The following APOBEC3G variants were observed in gnomAD, a reference collection of about 807,000 sequenced individuals.
APOBEC3G encodes DNA dC->dU-editing enzyme APOBEC-3G.
Under a neutral mutation model 50.0 loss-of-function variants are expected in APOBEC3G, and 44 were observed. The observed-to-expected ratio is 0.88, with a 90% CI of 0.69 to 1.13. The LOEUF is 1.13. Ranked by LOEUF, APOBEC3G falls within the 50% of genes most tolerant of loss-of-function variation. The pLI is 0.00. For missense variants in APOBEC3G, 469 were observed against 492.0 expected (o/e 0.95, Z 0.44); for synonymous variants, 156 against 175.3 (o/e 0.89, Z 0.87).
At chr22:39,087,163 C>A (rs1398679662) in intron 7 of APOBEC3G, 37 bp downstream of exon 7, 3 of 1,612,014 alleles carry the variant, frequency 1.9e-6, no homozygotes, top group Admixed American at 1.7e-5. Flanking sequence ...GCCCCATCGG[C>A]CTCCCCCTCC....
At chr22:39,078,875 C>T (rs1175226362) in intron 1 of APOBEC3G, 57 bp from the exon 2 acceptor site, 6 of 1,602,024 alleles carry the variant, frequency 3.7e-6, no homozygotes, top group Non-Finnish European at 5.1e-6. Context: ...GGACATCAGC[C>T]CGGAGGGCCC....
rs1215058898 is a variant in APOBEC3G at position 39,081,502 on chromosome 22, CA to C, written c.499del (p.Ser167AlafsTer69). The C allele has an allele frequency of 1.2e-6, 2 of 1,614,044 alleles. No homozygotes were observed. Among genetic ancestry groups the C allele is most frequent in the Admixed American group, 1.7e-5 (1 of 59,998 alleles). ...AGCACTGTTGGAGCAAGTTCGTGTA[CA>C]GCCAAAGAGAGCTATTTGAGCCTTG... ...FQHCWSKFVY[S>X]QRELFEPWNN... is the part of the protein sequence containing the mutation. On this transcript the variant is annotated frameshift_variant, in exon 4 of 8. Coordinates refer to ENST00000407997, the MANE Select transcript of APOBEC3G (RefSeq NM_021822.4). LOFTEE classifies it high-confidence loss of function.
intron 2 of APOBEC3G, chr22:39,080,653 G>A (rs1191429625): frequency 1.4e-5 from 6 of 425,618 alleles, no homozygotes; most frequent in East Asian, 8.0e-5. Flanking sequence ...GGCTGAAGTC[G>A]CCCTTGAATA....
chr22:39,081,624 C>T (rs1928463944), intron 4 of APOBEC3G, 39 bp downstream of exon 4: 1 of 1,523,830 alleles, frequency 6.6e-7, no homozygotes. Flanking sequence ...TCGCTCCTCT[C>T]ACCTCCTGCT....
At position 39,086,293 on chromosome 22, in the gene APOBEC3G, C is replaced by T. The variant is rs1311285643; in HGVS notation, c.750C>T (p.His250=). Residue 250 remains histidine, a synonymous_variant, in exon 6 of 8, where the codon CAC becomes CAT. Transcript: ENST00000407997. ...TTCTTTTCTAGGCTCCACATAAACACGGTTTCCTTGAAGGCCGCCATGCAG... is the reference window on the plus strand; with the variant it reads ...TTCTTTTCTAGGCTCCACATAAACATGGTTTCCTTGAAGGCCGCCATGCAG... ...GFLCNQAPHK[H]GFLEGRHAEL... is the part of the protein sequence containing the mutation. The T allele has an allele frequency of 2.5e-6, 4 of 1,584,324 alleles. No homozygotes were observed. Among genetic ancestry groups the T allele is most frequent in the South Asian group, 2.3e-5 (2 of 87,902 alleles).
Position 39,081,553 on chromosome 22 carries a change from A to G in APOBEC3G, c.549A>G (p.Ile183Met), listed in dbSNP as rs1345380690. 5 of 1,613,920 alleles carry G rather than the reference A, an allele frequency of 3.1e-6. No individual in the cohort carries two copies. Among genetic ancestry groups the G allele is most frequent in the Non-Finnish European group, 4.2e-6 (5 of 1,179,936 alleles). ...EPWNNLPKYY[I>M]LLHIMLGEIL... Reference sequence around the variant, plus strand: ...GGAATAATCTGCCTAAATATTATATATTACTGCACATCATGCTGGGGGAGA... The same window carrying G: ...GGAATAATCTGCCTAAATATTATATGTTACTGCACATCATGCTGGGGGAGA... The change falls in exon 4 of 8, where the codon ATA (isoleucine) becomes ATG (methionine). Residue 183 changes from isoleucine to methionine, a missense_variant. Ile to Met is a conservative substitution (Grantham distance 10, BLOSUM62 1). Transcript: ENST00000407997.
intron 5 of APOBEC3G, among the ~76,000 whole-genome samples, 187 bp from the exon 6 acceptor site, chr22:39,086,092 G>A (rs917739408): frequency 2.0e-5 from 3 of 151,988 alleles, no homozygotes; most frequent in African/African-American, 7.3e-5. Context: ...ATCACCTGAG[G>A]TTGGGAGTTT....
intron 5 of APOBEC3G, 91 bp downstream of exon 5, chr22:39,083,975 C>T (rs1928590016): frequency 2.7e-6 from 4 of 1,463,688 alleles, no homozygotes; most frequent in Non-Finnish European, 3.7e-6. Context: ...CTGTGGTGTC[C>T]TGCAGAGTGT....
rs1011822832 is a variant in APOBEC3G, at chr22:39,086,205, C to T, written c.736-74C>T. Reference sequence around the variant, plus strand: ...TGTAATCCTAGCTACTTGTACACTCCAGCCTGGGCAACAAGAGTGAAACTC... The same window carrying T: ...TGTAATCCTAGCTACTTGTACACTCTAGCCTGGGCAACAAGAGTGAAACTC... On this transcript the variant is annotated intron_variant, in intron 5 of 7. Coordinates refer to ENST00000407997, the MANE Select transcript of APOBEC3G (RefSeq NM_021822.4). 25 of 1,491,276 alleles carry T rather than the reference C, an allele frequency of 1.7e-5. No individual in the cohort carries two copies. The African/African-American group carries it at 2.8e-4, about 17-fold the overall frequency. The allele number at this position is 1,491,276 out of a possible 1,614,324, so 92.4% of individuals were successfully genotyped here.
chr22:39,084,218 C>T (rs1374697784), intron 5 of APOBEC3G, among the ~76,000 whole-genome samples: 1 of 152,130 alleles, frequency 6.6e-6, no homozygotes, highest in Non-Finnish European at 1.5e-5. Flanking sequence ...TGCACCAGGG[C>T]CAAGTGGGAT....
rs377625114 is a variant in APOBEC3G at position 39,077,384 on chromosome 22, G to A, written c.17+6G>A. The stretch of plus-strand genomic sequence containing the variant: ...AGGATGAAGCCTCACTTCAGGTACC[G>A]CTGCCCGCTCTACCCACTGGGCCCC... On this transcript the variant is annotated splice_donor_region_variant and intron_variant, in intron 1 of 7. Coordinates refer to ENST00000407997, the MANE Select transcript of APOBEC3G (RefSeq NM_021822.4). 8 of 1,581,710 alleles carry A rather than the reference G, an allele frequency of 5.1e-6. No homozygotes were observed. Among genetic ancestry groups the A allele is most frequent in the South Asian group, 1.2e-5 (1 of 86,720 alleles).
chr22:39,085,488 G>A (rs1384643378), intron 5 of APOBEC3G, among the ~76,000 whole-genome samples: 4 of 152,198 alleles, frequency 2.6e-5, no homozygotes, highest in Admixed American at 2.6e-4. Context: ...GGCGGAGTGA[G>A]GGTCCTGAAG....
chr22:39,086,577 G>A lies in APOBEC3G; in HGVS notation c.1024+10G>A, dbSNP rs1928707287. 6.3e-7 allele frequency: 1 copy of A among 1,583,600 alleles called. No homozygotes were observed. The highest frequency in any genetic ancestry group is 1.3e-5 in the African/African-American group (1 of 74,296). ...ATAATGACATACAGTGGTGAGAATG[G>A]AAGCCTGGAGTAGGATGGGGTCAGC... On this transcript the variant is annotated intron_variant, in intron 6 of 7. Coordinates refer to ENST00000407997, the MANE Select transcript of APOBEC3G (RefSeq NM_021822.4).
Position 39,086,380 on chromosome 22 carries a change from T to C in APOBEC3G, c.837T>C (p.Val279=), listed in dbSNP as rs143828753. The C allele has an allele frequency of 2.5e-6, 4 of 1,614,088 alleles. No homozygotes were observed. The highest frequency in any genetic ancestry group is 1.3e-5 in the African/African-American group (1 of 74,926). Residue 279 remains valine (V), a synonymous_variant, in exon 6 of 8, where the codon GTT becomes GTC. Coordinates refer to ENST00000407997, the MANE Select transcript of APOBEC3G (RefSeq NM_021822.4). ...WKLDLDQDYR[V]TCFTSWSPCF... ...TGGACCTGGACCAGGACTACAGGGT[T>C]ACCTGCTTCACCTCCTGGAGCCCCT...
intron 2 of APOBEC3G, 40 bp from the exon 3 acceptor site, chr22:39,080,892 TC>T: frequency 7.5e-7 from 1 of 1,332,322 alleles, no homozygotes; most frequent in Non-Finnish European, 1.0e-6. Flanking sequence ...CTCCTCCTGC[TC>T]CCCCTCTCAG....
In APOBEC3G at chr22:39,081,584, A is replaced by G; in HGVS notation, c.580A>G (p.Arg194Gly). 1 of 1,611,746 alleles carries G rather than the reference A, an allele frequency of 6.2e-7. No homozygotes were observed. The part of the protein sequence containing the change: ...LLHIMLGEIL[R>G]HSMDPPTFTF... ...GCACATCATGCTGGGGGAGATTCTC[A>G]GGTGAGGGTCTCCCTCCAGGCTCAT... Residue 194 changes from arginine (R) to glycine (G), a missense_variant and splice_region_variant, in exon 4 of 8, where the codon AGA becomes GGA. By Grantham distance (125) the Arg-to-Gly change is moderately radical. Transcript: ENST00000407997.
intron 4 of APOBEC3G, among the ~76,000 whole-genome samples, chr22:39,083,429 A>G (rs1928559949): frequency 6.6e-6 from 1 of 152,032 alleles, no homozygotes; most frequent in Non-Finnish European, 1.5e-5. Flanking sequence ...AGGGAAGAAG[A>G]CCCAGCTGTA....
In APOBEC3G at chr22:39,083,828, A is replaced by G. The variant is rs752523113; in HGVS notation, c.679A>G (p.Met227Val). Residue 227 changes from methionine (M) to valine (V), a missense_variant, in exon 5 of 8, where the codon ATG becomes GTG. Met to Val is a conservative substitution (Grantham distance 21, BLOSUM62 1). Coordinates refer to ENST00000407997, the MANE Select transcript of APOBEC3G (RefSeq NM_021822.4). ...TTACCTGTGTTATGAGGTGGAGCGCATGCACAATGACACCTGGGTCCTGCT... is the reference window on the plus strand; with the variant it reads ...TTACCTGTGTTATGAGGTGGAGCGCGTGCACAATGACACCTGGGTCCTGCT... ...ETYLCYEVER[M>V]HNDTWVLLNQ... 1.2e-6 allele frequency: 2 copies of G among 1,613,916 alleles called. No individual in the cohort carries two copies. Among genetic ancestry groups the G allele is most frequent in the African/African-American group, 1.3e-5 (1 of 74,918 alleles).
chr22:39,087,191 C>G, intron 7 of APOBEC3G, 65 bp downstream of exon 7: 1 of 1,610,006 alleles, frequency 6.2e-7, no homozygotes, highest in Non-Finnish European at 8.5e-7. Context: ...TCCCCTGCGC[C>G]GTGCCTTCCC....
Sources: allele counts gnomAD v4.1 joint callset (sites outside exome capture counted in the v4.1 genomes callset), GRCh38; gene constraint gnomAD v4.1.1; transcripts MANE v1.5; gene names NCBI Gene and HGNC (gene_info 2026-07-23, HGNC 2026-07-21).